PLLP: variants seen among roughly 807,000 people sequenced by gnomAD.
The protein encoded by PLLP is plasmolipin, also known as plasma membrane proteolipid (plasmolipin).
A neutral mutation model predicts 19.7 loss-of-function variants in PLLP; 15 were observed. That is an observed-to-expected ratio of 0.76 (90% CI 0.51 to 1.17). PLLP has a LOEUF of 1.17. Ranked by LOEUF, PLLP falls within the 50% of genes most tolerant of loss-of-function variation. The pLI is 0.00. For missense variants in PLLP, 255 were observed against 258.3 expected, an observed-to-expected ratio of 0.99 and a Z score of 0.09; for synonymous variants, 111 against 116.3, an observed-to-expected ratio of 0.95 and a Z score of 0.29.
At chr16:57,262,168 T>C (rs1437834276) in intron 1 of PLLP, 98 bp from the exon 2 acceptor site, 2 of 1,210,592 alleles carry the variant, frequency 1.7e-6, no homozygotes, top group Non-Finnish European at 2.4e-6. Context: ...ATGCCTGTAA[T>C]GTCAGCACTT....
At chr16:57,280,932 T>G (rs1366321761) in intron 1 of PLLP, among the ~76,000 whole-genome samples, 1 of 152,198 alleles carries the variant, frequency 6.6e-6, no homozygotes, top group Non-Finnish European at 1.5e-5. Flanking sequence ...GCTGGGAGCC[T>G]TTCTACCCAC....
intron 1 of PLLP, among the ~76,000 whole-genome samples, chr16:57,266,329 T>C (rs1464707981): frequency 1.3e-5 from 2 of 152,184 alleles, no homozygotes; most frequent in Admixed American, 1.3e-4. Flanking sequence ...TGCCTGGCTC[T>C]GTGCCTGCGG....
rs1236511956 is a variant in PLLP, at chr16:57,256,366, A to C, written c.*547T>G. The C allele has an allele frequency of 1.1e-5, 3 of 272,292 alleles. No individual in the cohort carries two copies. Among genetic ancestry groups the C allele is most frequent in the Non-Finnish European group, 2.0e-5 (3 of 147,456 alleles). 16.9% of individuals were successfully genotyped at this position (272,292 alleles called of 1,614,324 possible). On this transcript the variant is annotated 3_prime_UTR_variant, in exon 4 of 4. Coordinates refer to ENST00000219207, the MANE Select transcript of PLLP (RefSeq NM_015993.3). ...TCAGTAACTGGTATGTCTGAAATGC[A>C]GGGAGGGAAGACCATGCTGTCAGCA...
chr16:57,282,255 T>C (rs1471350318), intron 1 of PLLP, among the ~76,000 whole-genome samples: 12 of 151,578 alleles, frequency 7.9e-5, no homozygotes, highest in African/African-American at 2.4e-4. Context: ...TGTGTGTTTG[T>C]CTGTTTGAGA....
intron 1 of PLLP, among the ~76,000 whole-genome samples, chr16:57,281,301 C>CTA (rs1901215724): frequency 6.6e-6 from 1 of 151,896 alleles, no homozygotes; most frequent in African/African-American, 2.4e-5. Context: ...GTTTTCTCAC[C>CTA]TAAAATGGGG....
At chr16:57,275,667 T>C (rs1279767655) in intron 1 of PLLP, among the ~76,000 whole-genome samples, 1 of 50,432 alleles carries the variant, frequency 2.0e-5, no homozygotes, top group Non-Finnish European at 4.2e-5. Context: ...AAAAACACCA[T>C]GAGAGGGGGA....
At chr16:57,265,811 T>A (rs188919436) in intron 1 of PLLP, among the ~76,000 whole-genome samples, 2 of 152,288 alleles carry the variant, frequency 1.3e-5, no homozygotes, top group Admixed American at 1.3e-4. Context: ...GTGGATCACT[T>A]GAGCTCAGGA....
intron 1 of PLLP, among the ~76,000 whole-genome samples, chr16:57,266,946 T>C (rs1296563704): frequency 6.7e-6 from 1 of 149,774 alleles, no homozygotes; most frequent in African/African-American, 2.5e-5. Flanking sequence ...AAGACTACAG[T>C]GTCAAAAACG....
In PLLP at chr16:57,284,474, C is replaced by A. The variant is rs1344154239; in HGVS notation, c.67G>T (p.Val23Leu). ...SSPAQGAEAS[V>L]SALRPDLGFV... Reference sequence around the variant, plus strand: ...CCCAGGTCCGGGCGCAGCGCCGACACCGAGGCTTCGGCGCCCTGCGCAGGA... The same window carrying A: ...CCCAGGTCCGGGCGCAGCGCCGACAACGAGGCTTCGGCGCCCTGCGCAGGA... Residue 23 changes from valine (V) to leucine (L), a missense_variant, in exon 1 of 4, where the codon GTG (valine) becomes TTG (leucine). Val to Leu is a conservative substitution (Grantham distance 32). Coordinates refer to ENST00000219207, the MANE Select transcript of PLLP (RefSeq NM_015993.3). The A allele has an allele frequency of 2.8e-6, 4 of 1,435,992 alleles. No homozygotes were observed. The highest frequency in any genetic ancestry group is 3.7e-6 in the Non-Finnish European group (4 of 1,090,636). The allele number at this position is 1,435,992 out of a possible 1,614,324, so 89.0% of individuals were successfully genotyped here. A position where few individuals can be genotyped will look rare whatever the true frequency, so the allele number is the denominator to read the frequency against.
chr16:57,280,124 GTCCCCCTTT>G (rs1901200815), intron 1 of PLLP, among the ~76,000 whole-genome samples: 1 of 152,116 alleles, frequency 6.6e-6, no homozygotes, highest in African/African-American at 2.4e-5. Context: ...CCTTCCTGCA[GTCCCCCTTT>G]TCCCCCTAGA....
chr16:57,272,871 C>T (rs1314856116), intron 1 of PLLP, among the ~76,000 whole-genome samples: 3 of 149,068 alleles, frequency 2.0e-5, no homozygotes, highest in Non-Finnish European at 4.5e-5. Flanking sequence ...GCGGGAGGAT[C>T]ATGTGAGCCC....
chr16:57,280,940 C>G (rs1240036174), intron 1 of PLLP, among the ~76,000 whole-genome samples: 1 of 152,222 alleles, frequency 6.6e-6, no homozygotes, highest in East Asian at 1.9e-4. Flanking sequence ...CCTTTCTACC[C>G]ACCTCCCCTT....
chr16:57,271,171 C>T (rs1359920711), intron 1 of PLLP, among the ~76,000 whole-genome samples: 4 of 151,990 alleles, frequency 2.6e-5, no homozygotes, highest in Non-Finnish European at 4.4e-5. Context: ...CAATGCCAAA[C>T]GCAGAAGAAG....
chr16:57,280,597 C>T (rs1901208106), intron 1 of PLLP, among the ~76,000 whole-genome samples: 4 of 152,184 alleles, frequency 2.6e-5, no homozygotes, highest in Admixed American at 2.6e-4. Context: ...AGACCTGCCT[C>T]CTTTTTTAGA....
At chr16:57,257,901 G>A (rs764016783) in intron 3 of PLLP, among the ~76,000 whole-genome samples, 8 of 152,144 alleles carry the variant, frequency 5.3e-5, no homozygotes, top group African/African-American at 1.4e-4. Flanking sequence ...AGCCCAGGCC[G>A]CGTGTGGCAG....
chr16:57,258,997 A>C (rs1402782092), intron 2 of PLLP, among the ~76,000 whole-genome samples: 1 of 151,828 alleles, frequency 6.6e-6, no homozygotes, highest in Non-Finnish European at 1.5e-5. Flanking sequence ...ACACTCCTTG[A>C]ATAGCCATTG....
chr16:57,281,763 G>A (rs1002497546), intron 1 of PLLP, among the ~76,000 whole-genome samples: 1 of 151,924 alleles, frequency 6.6e-6, no homozygotes, highest in Non-Finnish European at 1.5e-5. Flanking sequence ...TGCCCACCTC[G>A]GCCTCCCAAA....
chr16:57,257,847 T>C (rs1463886382), intron 3 of PLLP, among the ~76,000 whole-genome samples: 1 of 152,294 alleles, frequency 6.6e-6, no homozygotes, highest in Admixed American at 6.5e-5. Context: ...CACGTGACCC[T>C]AAGGCAGTGT....
intron 1 of PLLP, among the ~76,000 whole-genome samples, chr16:57,267,789 C>T (rs1301630776): frequency 1.4e-5 from 2 of 147,058 alleles, no homozygotes; most frequent in Non-Finnish European, 3.0e-5. Context: ...GCAGGAGAAT[C>T]GCTTGAACCT....
Sources: gnomAD v4.1 joint callset for allele counts (sites outside exome capture counted in the v4.1 genomes callset) on GRCh38, gnomAD v4.1.1 for gene constraint, MANE v1.5 for transcripts, NCBI Gene and HGNC (gene_info 2026-07-23, HGNC 2026-07-21) for gene names.